LRRC7: variants seen among roughly 807,000 people sequenced by gnomAD.
The protein encoded by LRRC7 is leucine rich repeat containing 7.
LRRC7 carries 23 observed loss-of-function variants against 175.7 expected under a neutral mutation model. That is an observed-to-expected ratio of 0.13 (90% CI 0.09 to 0.19). The LOEUF (loss-of-function observed/expected upper bound fraction) is 0.19, where lower values mean the gene tolerates loss of function less well. Ranked by LOEUF, LRRC7 falls within the 10% of genes least tolerant of loss-of-function variation. The pLI is 1.00. For synonymous variants in LRRC7, 685 were observed against 680.9 expected (o/e 1.01, Z -0.09); for missense variants, 1,354 against 1,904.7 (o/e 0.71, Z 5.38).
chr1:69,945,494 G>A (rs1035955820), intron 8 of LRRC7, among the ~76,000 whole-genome samples: 37 of 151,976 alleles, frequency 2.4e-4, no homozygotes, highest in African/African-American at 8.9e-4. Context: ...GTGAACTTTT[G>A]TGATTTCATG....
chr1:69,921,709 C>T (rs1436944361), intron 7 of LRRC7, among the ~76,000 whole-genome samples: 1 of 152,178 alleles, frequency 6.6e-6, no homozygotes, highest in Non-Finnish European at 1.5e-5. Flanking sequence ...CCATTGCCCA[C>T]ATCATTCCAA....
chr1:69,728,810 G>A lies in LRRC7; in HGVS notation c.101-31381G>A, dbSNP rs570606523. Among the ~76,000 whole-genome samples the A allele has an allele frequency of 2.2e-4, 34 of 152,256 alleles. 1 individual carries two copies. In the Middle Eastern group the frequency reaches 0.01, roughly 46 times the overall value. ...AGGAAAAGGAATAAATTGCTGAAGAGCATGCACATAAGCTGGATAATGGCA... is the reference window on the plus strand; with the variant it reads ...AGGAAAAGGAATAAATTGCTGAAGAACATGCACATAAGCTGGATAATGGCA... On this transcript the variant is annotated intron_variant, in intron 2 of 26. Transcript: ENST00000651989.
rs985159334 is a variant in LRRC7 at position 69,568,370 on chromosome 1, C to T, written c.-270C>T. 3 of 206,502 alleles carry T rather than the reference C, an allele frequency of 1.5e-5. No homozygotes were observed. The highest frequency in any genetic ancestry group is 5.7e-5 in the South Asian group (1 of 17,394). The allele number at this position is 206,502 out of a possible 1,614,324, so 12.8% of individuals were successfully genotyped here. A position where few individuals can be genotyped will look rare whatever the true frequency, so the allele number is the denominator to read the frequency against. On this transcript the variant is annotated 5_prime_UTR_variant, in exon 1 of 27. Transcript: ENST00000651989. ...GGAGTGGACGCGCTCCTGCCTCCCC[C>T]GCCGGCGCTTCGGGCTTCCCCTCAG... is the stretch of plus-strand genomic sequence containing the variant.
At chr1:69,597,232 GAGA>G (rs1197403711) in intron 1 of LRRC7, among the ~76,000 whole-genome samples, 1 of 152,088 alleles carries the variant, frequency 6.6e-6, no homozygotes, top group Non-Finnish European at 1.5e-5. Flanking sequence ...GGAGGACTAG[GAGA>G]AGGAGTAAAA....
intron 7 of LRRC7, among the ~76,000 whole-genome samples, chr1:69,911,541 A>G (rs1646531302): frequency 6.6e-6 from 1 of 152,232 alleles, no homozygotes; most frequent in South Asian, 2.1e-4. Context: ...TTTGATTTGC[A>G]TGCTTCCTCC....
At chr1:69,857,988 C>A (rs1683896471) in intron 7 of LRRC7, among the ~76,000 whole-genome samples, 1 of 152,012 alleles carries the variant, frequency 6.6e-6, no homozygotes, top group Non-Finnish European at 1.5e-5. Flanking sequence ...TTTGACAAAC[C>A]TGAGAAAAAC....
intron 4 of LRRC7, among the ~76,000 whole-genome samples, chr1:69,821,932 C>T (rs992490908): frequency 3.9e-5 from 6 of 151,968 alleles, no homozygotes; most frequent in Non-Finnish European, 8.8e-5. Context: ...GTCATATTCC[C>T]TTGTTTTGTT....
intron 1 of LRRC7, among the ~76,000 whole-genome samples, chr1:69,649,738 AG>A (rs1268214174): frequency 2.0e-5 from 3 of 152,158 alleles, no homozygotes; most frequent in African/African-American, 7.2e-5. Context: ...CAGGCTCCTA[AG>A]CCTGGTTCTT....
chr1:69,939,202 T>G (rs1648439036), intron 8 of LRRC7, among the ~76,000 whole-genome samples: 1 of 151,556 alleles, frequency 6.6e-6, no homozygotes, highest in African/African-American at 2.4e-5. Context: ...AAAGAAAGTT[T>G]AATAGAAAGA....
At chr1:69,937,736 A>G (rs561629170) in intron 8 of LRRC7, among the ~76,000 whole-genome samples, 1 of 152,066 alleles carries the variant, frequency 6.6e-6, no homozygotes, top group South Asian at 2.1e-4. Context: ...AGAAATATGA[A>G]TATAAAATCA....
chr1:69,934,804 A>G (rs1647818716), intron 8 of LRRC7, among the ~76,000 whole-genome samples: 1 of 152,066 alleles, frequency 6.6e-6, no homozygotes, highest in Non-Finnish European at 1.5e-5. Context: ...CTCTTTGCTG[A>G]CCATGGCCAA....
At chr1:69,703,075 C>G (rs915289695) in intron 2 of LRRC7, among the ~76,000 whole-genome samples, 1 of 151,922 alleles carries the variant, frequency 6.6e-6, no homozygotes, top group South Asian at 2.1e-4. Context: ...GTTTTTAGTT[C>G]TTATGAGACC....
chr1:69,906,464 A>G (rs1646315026), intron 7 of LRRC7, among the ~76,000 whole-genome samples: 2 of 152,276 alleles, frequency 1.3e-5, no homozygotes, highest in East Asian at 1.9e-4. Flanking sequence ...ATCCAGTTTC[A>G]CCTTTCTACA....
At chr1:69,982,154 T>C (rs1653501150) in intron 9 of LRRC7, among the ~76,000 whole-genome samples, 1 of 152,248 alleles carries the variant, frequency 6.6e-6, no homozygotes, top group African/African-American at 2.4e-5. Flanking sequence ...GTTTGTTATT[T>C]AAGTGGAAAG....
intron 1 of LRRC7, among the ~76,000 whole-genome samples, chr1:69,593,997 C>A (rs1476473258): frequency 6.6e-6 from 1 of 152,108 alleles, no homozygotes; most frequent in Non-Finnish European, 1.5e-5. Flanking sequence ...TAATTTTCTG[C>A]AGGTATTTTT....
chr1:69,729,227 C>T (rs1189229942), intron 2 of LRRC7, among the ~76,000 whole-genome samples: 2 of 152,100 alleles, frequency 1.3e-5, no homozygotes, highest in African/African-American at 4.8e-5. Flanking sequence ...TATCATTCTA[C>T]CCTGGCCTCT....
intron 4 of LRRC7, among the ~76,000 whole-genome samples, chr1:69,807,554 T>G (rs1677277523): frequency 6.6e-6 from 1 of 152,136 alleles, no homozygotes; most frequent in Non-Finnish European, 1.5e-5. Context: ...CCTTCGCTTG[T>G]GAAGCTAGTT....
chr1:70,038,644 C>A lies in LRRC7; in HGVS notation c.2820C>A (p.Asn940Lys), dbSNP rs774551120. 4 of 1,614,128 alleles carry A rather than the reference C, an allele frequency of 2.5e-6. No individual in the cohort carries two copies. The highest frequency in any genetic ancestry group is 3.4e-6 in the Non-Finnish European group (4 of 1,180,004). Residue 940 changes from asparagine to lysine, a missense_variant, in exon 21 of 27, where the codon AAC becomes AAA. Asn to Lys is a moderately conservative substitution (Grantham distance 94, BLOSUM62 0). Transcript: ENST00000651989. The stretch of plus-strand genomic sequence containing the variant: ...GGGAGTATCATGATTCCAATCCCAA[C>A]AGGAGTCTTAGTAATGTCTTTTCTC... ...VPWEYHDSNP[N>K]RSLSNVFSQI... is the part of the protein sequence containing the mutation.
intron 17 of LRRC7, among the ~76,000 whole-genome samples, chr1:70,025,831 AG>A (rs550770075): frequency 0.15 from 18,699 of 123,482 alleles, 2,514 homozygotes; most frequent in African/African-American, 0.37. Context: ...CCTCAATTTA[AG>A]GGGGGGGGGG....
Sources: gnomAD v4.1 joint callset for allele counts (sites outside exome capture counted in the v4.1 genomes callset) on GRCh38, gnomAD v4.1.1 for gene constraint, MANE v1.5 for transcripts, NCBI Gene and HGNC (gene_info 2026-07-23, HGNC 2026-07-21) for gene names.